The following PCDHA6 variants were observed in gnomAD, a reference collection of about 807,000 sequenced individuals.
The protein encoded by PCDHA6 is protocadherin alpha-6.
A neutral mutation model predicts 60.3 loss-of-function variants in PCDHA6; 55 were observed. That is an observed-to-expected ratio of 0.91 (90% CI 0.73 to 1.14). PCDHA6 has a LOEUF of 1.14. PCDHA6 is among the 50% of genes most tolerant of loss of function. PCDHA6 has a pLI of 0.00. For synonymous variants in PCDHA6, 652 were observed against 557.9 expected (o/e 1.17, Z -2.38); for missense variants, 1,327 against 1,256.5 (o/e 1.06, Z -0.85).
At chr5:140,916,776 C>A (rs2153540006) in intron 1 of PCDHA6, among the ~76,000 whole-genome samples, 1 of 152,308 alleles carries the variant, frequency 6.6e-6, no homozygotes. Context: ...CACAAGCACT[C>A]CCTTAGCTGC....
At chr5:140,871,450 G>C (rs781785142) in intron 1 of PCDHA6, 1 of 1,608,836 alleles carries the variant, frequency 6.2e-7, no homozygotes, top group Non-Finnish European at 8.5e-7. Flanking sequence ...GAATAAAGAG[G>C]AGGAAGGGGA....
rs2150419766 is a variant in PCDHA6, at chr5:140,848,766, G to C, written c.2394+18281G>C. On this transcript the variant is annotated intron_variant, in intron 1 of 3. Coordinates refer to ENST00000529310, the MANE Select transcript of PCDHA6 (RefSeq NM_018909.4). The stretch of plus-strand genomic sequence containing the variant: ...CATTTTGTTTGTGAATTCTCGGATC[G>C]ACCGCGAGGAGCTGTGCGGGCGGAG... The C allele has an allele frequency of 6.3e-7, 1 of 1,593,418 alleles. No individual in the cohort carries two copies. The highest frequency in any genetic ancestry group is 8.6e-7 in the Non-Finnish European group (1 of 1,164,090).
intron 1 of PCDHA6, chr5:140,869,568 G>C (rs1554163237): frequency 6.2e-7 from 1 of 1,614,168 alleles, no homozygotes; most frequent in East Asian, 2.2e-5. Context: ...TTCCACTAGA[G>C]GGAGCTTCTG....
chr5:140,963,538 C>T (rs1450528022), intron 1 of PCDHA6, among the ~76,000 whole-genome samples: 2 of 152,188 alleles, frequency 1.3e-5, no homozygotes, highest in Non-Finnish European at 2.9e-5. Flanking sequence ...CCATTTACTT[C>T]ATGATATAAA....
intron 1 of PCDHA6, among the ~76,000 whole-genome samples, chr5:140,886,751 G>A (rs1156754601): frequency 2.0e-5 from 3 of 151,312 alleles, no homozygotes; most frequent in African/African-American, 7.3e-5. Context: ...GCTTGAACCC[G>A]GGAGGTGGAG....
intron 1 of PCDHA6, among the ~76,000 whole-genome samples, chr5:140,832,954 A>G (rs1349608970): frequency 1.3e-5 from 2 of 152,204 alleles, no homozygotes; most frequent in Non-Finnish European, 2.9e-5. Flanking sequence ...AAGTGAGTAT[A>G]CAGAAAATTC....
chr5:140,831,383 A>G (rs1416445825), intron 1 of PCDHA6, among the ~76,000 whole-genome samples: 1 of 151,732 alleles, frequency 6.6e-6, no homozygotes, highest in South Asian at 2.1e-4. Flanking sequence ...TGTGTGTGAC[A>G]GGGTCTTGCT....
intron 1 of PCDHA6, among the ~76,000 whole-genome samples, chr5:140,831,643 G>T (rs2150109104): frequency 6.6e-6 from 1 of 151,354 alleles, no homozygotes; most frequent in South Asian, 2.1e-4. Context: ...GATTATAGGT[G>T]TGAGCCACTA....
chr5:141,006,507 C>T (rs2098276539), intron 3 of PCDHA6, among the ~76,000 whole-genome samples: 1 of 152,156 alleles, frequency 6.6e-6, no homozygotes, highest in Admixed American at 6.5e-5. Flanking sequence ...GCCACCGCGC[C>T]TGGCTGTTAT....
At chr5:140,899,460 T>G (rs2153464035) in intron 1 of PCDHA6, among the ~76,000 whole-genome samples, 1 of 152,380 alleles carries the variant, frequency 6.6e-6, no homozygotes, top group East Asian at 1.9e-4. Context: ...ATGTGGTTTT[T>G]GTCTTTGGTT....
rs2150262864 is a variant in PCDHA6 at position 140,836,525 on chromosome 5, C to T, written c.2394+6040C>T. 6.2e-6 allele frequency: 10 copies of T among 1,613,836 alleles called. No homozygotes were observed. In the South Asian group the frequency reaches 1.1e-4, roughly 18 times the overall value. On this transcript the variant is annotated intron_variant, in intron 1 of 3. Coordinates refer to ENST00000529310, the MANE Select transcript of PCDHA6 (RefSeq NM_018909.4). ...CGGTGTCCAGTCTGTTGGTGCTTAC[C>T]CTGCTGCTGTACACGGCGTTGCGGT...
chr5:140,879,012 T>C (rs2057811303), intron 1 of PCDHA6, among the ~76,000 whole-genome samples: 1 of 152,236 alleles, frequency 6.6e-6, no homozygotes, highest in African/African-American at 2.4e-5. Flanking sequence ...AGAAATCAGA[T>C]AATGTTTTAT....
chr5:140,840,527 A>G (rs1776748487), intron 1 of PCDHA6, among the ~76,000 whole-genome samples: 1 of 152,080 alleles, frequency 6.6e-6, no homozygotes, highest in African/African-American at 2.4e-5. Context: ...AGAAAGATGA[A>G]GAACTAACAA....
intron 1 of PCDHA6, among the ~76,000 whole-genome samples, chr5:140,962,908 C>G (rs2095718284): frequency 1.3e-5 from 2 of 152,146 alleles, no homozygotes. Context: ...AGCTCCTTCC[C>G]TATTTGACAG....
chr5:140,993,462 TCACACACACACACACACA>T (rs3836747), intron 3 of PCDHA6, among the ~76,000 whole-genome samples: 75 of 141,044 alleles, frequency 5.3e-4, no homozygotes, highest in African/African-American at 1.6e-3. Flanking sequence ...TCTTTCTTTC[TCACACACACACACACACA>T]CACACACACA....
intron 1 of PCDHA6, chr5:140,928,535 G>A (rs1554205968): frequency 2.5e-6 from 4 of 1,614,224 alleles, no homozygotes; most frequent in East Asian, 2.2e-5. Context: ...GTGGTAGATA[G>A]GAATGACAAT....
chr5:140,872,829 G>T (rs187637058), intron 1 of PCDHA6, among the ~76,000 whole-genome samples: 6 of 152,156 alleles, frequency 3.9e-5, no homozygotes, highest in African/African-American at 1.4e-4. Flanking sequence ...ATCTAGCAGA[G>T]AAAAAATTAA....
At chr5:140,862,371 T>C in intron 1 of PCDHA6, 1 of 341,736 alleles carries the variant, frequency 2.9e-6, no homozygotes, top group Non-Finnish European at 5.8e-6. Flanking sequence ...ACCCGCACCC[T>C]GACTCCTCAC....
chr5:140,897,311 C>T (rs1460942002), intron 1 of PCDHA6, among the ~76,000 whole-genome samples: 7 of 150,308 alleles, frequency 4.7e-5, no homozygotes, highest in Non-Finnish European at 7.4e-5. Context: ...TTAGGTATAT[C>T]TCCTAAAGCT....
Sources: gnomAD v4.1 joint callset for allele counts (sites outside exome capture counted in the v4.1 genomes callset) on GRCh38, gnomAD v4.1.1 for gene constraint, MANE v1.5 for transcripts, NCBI Gene and HGNC (gene_info 2026-07-23, HGNC 2026-07-21) for gene names.